Variants in ZWILCH observed in about 807,000 individuals in gnomAD.
ZWILCH encodes protein zwilch homolog.
In ZWILCH, 74 loss-of-function variants were observed where a neutral mutation model predicts 79.9. The ratio of observed to expected loss-of-function variants is 0.93; its 90% CI spans 0.77 to 1.12. The LOEUF (loss-of-function observed/expected upper bound fraction) is 1.12, where lower values mean the gene tolerates loss of function less well. ZWILCH is among the 50% of genes most tolerant of loss of function. The pLI is 0.00. For missense variants in ZWILCH, 694 were observed against 687.5 expected, an observed-to-expected ratio of 1.01 and a Z score of -0.11; for synonymous variants, 241 against 228.2, an observed-to-expected ratio of 1.06 and a Z score of -0.51.
At chr15:66,542,625 T>G (rs1053984379) in intron 17 of ZWILCH, among the ~76,000 whole-genome samples, 1 of 152,154 alleles carries the variant, frequency 6.6e-6, no homozygotes, top group African/African-American at 2.4e-5. Context: ...AAAGGGGATA[T>G]ATTTCAGTAA....
intron 5 of ZWILCH, among the ~76,000 whole-genome samples, chr15:66,520,225 A>G (rs1019756039): frequency 6.6e-5 from 10 of 151,798 alleles, no homozygotes; most frequent in Non-Finnish European, 1.0e-4. Flanking sequence ...GGCTCAGGCA[A>G]TCCTCTCACC....
chr15:66,524,169 T>C (rs1894597988), intron 8 of ZWILCH, among the ~76,000 whole-genome samples: 1 of 152,232 alleles, frequency 6.6e-6, no homozygotes. Context: ...TACTAGATCA[T>C]ATGGTAACTG....
chr15:66,527,045 T>C (rs751803964), intron 8 of ZWILCH, among the ~76,000 whole-genome samples: 19 of 152,130 alleles, frequency 1.2e-4, no homozygotes, highest in Non-Finnish European at 1.9e-4. Context: ...TTACTAATTG[T>C]GTGACCATGA....
At chr15:66,535,794 C>A in intron 14 of ZWILCH, 139 bp from the exon 15 acceptor site, 1 of 638,264 alleles carries the variant, frequency 1.6e-6, no homozygotes, top group East Asian at 3.1e-5. Flanking sequence ...GAAATTCTAT[C>A]TAGCTTCTTC....
At chr15:66,522,964 A>C (rs1894552078) in intron 7 of ZWILCH, among the ~76,000 whole-genome samples, 1 of 152,098 alleles carries the variant, frequency 6.6e-6, no homozygotes, top group South Asian at 2.1e-4. Context: ...CTGGGATTAC[A>C]GGGGCATGCC....
At chr15:66,529,038 A>G (rs1050221916) in intron 11 of ZWILCH, 81 bp downstream of exon 11, 1 of 1,095,690 alleles carries the variant, frequency 9.1e-7, no homozygotes, top group Non-Finnish European at 1.4e-6. Context: ...TACAGTGTGT[A>G]CCACTAGTTT....
intron 12 of ZWILCH, among the ~76,000 whole-genome samples, chr15:66,531,645 C>T (rs1020181841): frequency 6.6e-6 from 1 of 151,640 alleles, no homozygotes; most frequent in African/African-American, 2.4e-5. Context: ...TTAGTAGAGA[C>T]GGGGTTTCAC....
chr15:66,525,756 CTTTTTTTTTTTTTTTT>C (rs66835007), intron 8 of ZWILCH, among the ~76,000 whole-genome samples: 1 of 93,480 alleles, frequency 1.1e-5, no homozygotes, highest in African/African-American at 4.3e-5. Flanking sequence ...TCACATTTTT[CTTTTTTTTTTTTTTTT>C]TTTTTTTGAG....
intron 5 of ZWILCH, 135 bp from the exon 6 acceptor site, chr15:66,520,455 G>A: frequency 3.1e-6 from 2 of 641,504 alleles, no homozygotes; most frequent in Admixed American, 5.8e-5. Flanking sequence ...TCACTTATCT[G>A]TGATTTAAAA....
intron 1 of ZWILCH, among the ~76,000 whole-genome samples, chr15:66,507,773 C>G (rs1246418437): frequency 6.6e-6 from 1 of 151,896 alleles, no homozygotes; most frequent in African/African-American, 2.4e-5. Context: ...ACTAAAAATA[C>G]AAAAAGAAAA....
rs568074889 is a variant in ZWILCH at position 66,520,900 on chromosome 15, T to G, written c.592-150T>G. ...CTATTTGGGATATATGGAAAGTATA[T>G]ATCCCAAAAATATATGGAAAGTATA... On this transcript the variant is annotated intron_variant, in intron 6 of 18. Transcript: ENST00000307897. 803 of 903,932 alleles carry G rather than the reference T, an allele frequency of 8.9e-4. 5 individuals are homozygous for G. The African/African-American group carries it at 0.012, about 14-fold the overall frequency. The allele number at this position is 903,932 out of a possible 1,614,324, so 56.0% of individuals were successfully genotyped here. A position where few individuals can be genotyped will look rare whatever the true frequency, so the allele number is the denominator to read the frequency against.
chr15:66,508,170 C>A (rs1316558764), intron 1 of ZWILCH, among the ~76,000 whole-genome samples: 1 of 152,130 alleles, frequency 6.6e-6, no homozygotes, highest in African/African-American at 2.4e-5. Flanking sequence ...GATTTCTTTT[C>A]AGTGTAGATC....
Position 66,518,952 on chromosome 15 carries a change from GC to G in ZWILCH, c.397del (p.Leu133PhefsTer6). ...THLKINLPVTALPPLWVRCDS... is the reference protein window; with the variant it reads ...THLKINLPVTXLPPLWVRCDS... Reference sequence around the variant, plus strand: ...TTTGAAGATTAATCTGCCAGTTACTGCCCTTCCTCCCCTTTGGGTAAGATGT... The same window carrying G: ...TTTGAAGATTAATCTGCCAGTTACTGCCTTCCTCCCCTTTGGGTAAGATGT... On this transcript the variant is annotated frameshift_variant, in exon 5 of 19. Transcript: ENST00000307897. LOFTEE classifies it high-confidence loss of function. The G allele has an allele frequency of 6.2e-7, 1 of 1,614,184 alleles. No individual in the cohort carries two copies. Among genetic ancestry groups the G allele is most frequent in the Non-Finnish European group, 8.5e-7 (1 of 1,180,036 alleles).
chr15:66,521,355 T>C (rs1055228699), intron 7 of ZWILCH, 150 bp downstream of exon 7: 6 of 832,708 alleles, frequency 7.2e-6, no homozygotes, highest in Non-Finnish European at 1.1e-5. Context: ...CACTAACGTC[T>C]CACCAGGGCA....
At chr15:66,537,906 T>A (rs1002130099) in intron 16 of ZWILCH, among the ~76,000 whole-genome samples, 2 of 152,122 alleles carry the variant, frequency 1.3e-5, no homozygotes, top group African/African-American at 4.8e-5. Context: ...GGGCCTCTAG[T>A]CTTTCATTTT....
chr15:66,528,838 T>C lies in ZWILCH; in HGVS notation c.970-14T>C. On this transcript the variant is annotated splice_polypyrimidine_tract_variant and intron_variant, in intron 10 of 18. Transcript: ENST00000307897. ...AAAAAACTGAGTATTCTCTGAAGGT[T>C]GCTTCTTTTTCAGACCTTGAAGCAT... The C allele has an allele frequency of 1.2e-6, 2 of 1,610,834 alleles. No individual in the cohort carries two copies. Among genetic ancestry groups the C allele is most frequent in the South Asian group, 2.2e-5 (2 of 90,572 alleles).
rs151299682 is a variant in ZWILCH at position 66,518,787 on chromosome 15, G to A, written c.321-92G>A. 8.7e-3 allele frequency: 10,608 copies of A among 1,217,400 alleles called. 437 individuals carry two copies. The Admixed American group carries it at 0.089, about 10-fold the overall frequency. 75.4% of individuals were successfully genotyped at this position (1,217,400 alleles called of 1,614,324 possible). A position where few individuals can be genotyped will look rare whatever the true frequency, so the allele number is the denominator to read the frequency against. On this transcript the variant is annotated intron_variant, in intron 4 of 18. Coordinates refer to ENST00000307897, the MANE Select transcript of ZWILCH (RefSeq NM_017975.5). ...GATCGCACCACTGCATTCCAGCCTGGGCAACAGAGTGAGACCCTGTCTCTC... is the reference window on the plus strand; with the variant it reads ...GATCGCACCACTGCATTCCAGCCTGAGCAACAGAGTGAGACCCTGTCTCTC...
intron 7 of ZWILCH, among the ~76,000 whole-genome samples, chr15:66,522,319 A>G (rs549681330): frequency 1.2e-4 from 18 of 151,714 alleles, no homozygotes; most frequent in Middle Eastern, 3.4e-3. Flanking sequence ...AATAGTTGAA[A>G]TAGATTTCTT....
At position 66,532,988 on chromosome 15, in the gene ZWILCH, A is replaced by G; in HGVS notation, c.1316A>G (p.Gln439Arg). 6.3e-7 allele frequency: 1 copy of G among 1,577,298 alleles called. No individual in the cohort carries two copies. Among genetic ancestry groups the G allele is most frequent in the Middle Eastern group, 1.7e-4 (1 of 5,906 alleles). The change falls in exon 14 of 19, where the codon CAG becomes CGG. Residue 439 changes from glutamine (Q) to arginine (R), a missense_variant. By Grantham distance (43) the Gln-to-Arg change is conservative (BLOSUM62 1). Coordinates refer to ENST00000307897, the MANE Select transcript of ZWILCH (RefSeq NM_017975.5). ...KKDYISFFIG[Q>R]ELASLNHLEY... ...TGTATGTGTTTTTTCTTAATAGGTCAGGAACTTGCATCTTTGAATCATTTG... is the reference window on the plus strand; with the variant it reads ...TGTATGTGTTTTTTCTTAATAGGTCGGGAACTTGCATCTTTGAATCATTTG...
Sources: gnomAD v4.1 joint callset for allele counts (sites outside exome capture counted in the v4.1 genomes callset) on GRCh38, gnomAD v4.1.1 for gene constraint, MANE v1.5 for transcripts, NCBI Gene and HGNC (gene_info 2026-07-23, HGNC 2026-07-21) for gene names.